SGCD: variants seen among roughly 807,000 people sequenced by gnomAD.
SGCD encodes sarcoglycan delta, also known as delta-sarcoglycan.
Under a neutral mutation model 36.6 loss-of-function variants are expected in SGCD, and 18 were observed. The observed-to-expected ratio is 0.49, with a 90% CI of 0.34 to 0.73. The LOEUF (loss-of-function observed/expected upper bound fraction) is 0.73, where lower values mean the gene tolerates loss of function less well. Among genes scored for constraint, SGCD ranks in the 30% least tolerant of loss-of-function variants. The probability of loss-of-function intolerance (pLI) is 0.01; values close to 1 mark genes in which losing one functional copy is unlikely to be tolerated. For missense variants in SGCD, 387 were observed against 346.7 expected (o/e 1.12, Z -0.92); for synonymous variants, 133 against 130.6 (o/e 1.02, Z -0.12).
At chr5:155,764,999 G>A in the SGCD span, among the ~76,000 whole-genome samples, 1 of 152,076 alleles carries the variant, frequency 6.6e-6, no homozygotes, top group Non-Finnish European at 1.5e-5. Context: ...AGTAGCATGG[G>A]TTAAACATGT....
chr5:156,593,199 T>G lies in SGCD; in HGVS notation c.383-1733T>G, dbSNP rs372794626. On this transcript the variant is annotated intron_variant, in intron 5 of 8. Coordinates refer to ENST00000337851, the MANE Select transcript of SGCD (RefSeq NM_000337.6). ...AAATCATGTTATCACAGAATAAGAA[T>G]GAGTTGGGAAATAATTCATGTCTTC... Among the ~76,000 whole-genome samples the G allele has an allele frequency of 8.5e-4, 129 of 152,284 alleles. 1 individual carries two copies. Among genetic ancestry groups the G allele is most frequent in the African/African-American group, 2.9e-3 (121 of 41,560 alleles).
intron 1 of SGCD, among the ~76,000 whole-genome samples, chr5:155,986,438 C>T (rs1215935561): frequency 6.6e-6 from 1 of 152,018 alleles, no homozygotes; most frequent in African/African-American, 2.4e-5. Flanking sequence ...CAACATGGAA[C>T]ACATGAGGTT....
At chr5:156,218,493 C>A (rs1203879133) in intron 3 of SGCD, among the ~76,000 whole-genome samples, 1 of 151,988 alleles carries the variant, frequency 6.6e-6, no homozygotes, top group Non-Finnish European at 1.5e-5. Flanking sequence ...TGAAATTGAA[C>A]CTTATGGCCA....
chr5:156,137,503 G>A (rs1353657290), intron 3 of SGCD, among the ~76,000 whole-genome samples: 1 of 152,022 alleles, frequency 6.6e-6, no homozygotes, highest in Non-Finnish European at 1.5e-5. Context: ...TAATTTAGTA[G>A]GTCTCGGTTT....
intron 3 of SGCD, among the ~76,000 whole-genome samples, chr5:156,308,559 A>G (rs1484001472): frequency 6.6e-6 from 1 of 152,094 alleles, no homozygotes; most frequent in Non-Finnish European, 1.5e-5. Context: ...TGGCGTCCCA[A>G]AGTGCTAGGA....
chr5:156,303,971 G>C (rs1414702270), intron 3 of SGCD, among the ~76,000 whole-genome samples: 1 of 151,980 alleles, frequency 6.6e-6, no homozygotes, highest in African/African-American at 2.4e-5. Context: ...GCCCTGGCTG[G>C]TGTCTCGCTA....
At chr5:155,862,041 A>G in the SGCD span, among the ~76,000 whole-genome samples, 2 of 152,124 alleles carry the variant, frequency 1.3e-5, no homozygotes, top group African/African-American at 4.8e-5. Flanking sequence ...TGTTCTTCTC[A>G]GTGAACCTTG....
intron 1 of SGCD, among the ~76,000 whole-genome samples, chr5:155,970,839 C>T (rs193053496): frequency 1.1e-3 from 168 of 152,270 alleles, no homozygotes; most frequent in Non-Finnish European, 1.9e-3. Flanking sequence ...GTTTCAGTAG[C>T]AAGTATCAGG....
At chr5:156,041,269 C>A (rs1759626447) in intron 1 of SGCD, among the ~76,000 whole-genome samples, 1 of 152,222 alleles carries the variant, frequency 6.6e-6, no homozygotes, top group Non-Finnish European at 1.5e-5. Flanking sequence ...TATCCACAGT[C>A]TAGCGTGCTG....
intron 1 of SGCD, among the ~76,000 whole-genome samples, chr5:156,049,771 A>C (rs1171383763): frequency 6.8e-6 from 1 of 146,674 alleles, no homozygotes; most frequent in African/African-American, 2.5e-5. Context: ...CAACATGAGC[A>C]TGACTTGGGA....
chr5:156,074,491 G>T (rs1408519674), intron 1 of SGCD, among the ~76,000 whole-genome samples: 2 of 152,126 alleles, frequency 1.3e-5, no homozygotes, highest in African/African-American at 4.8e-5. Context: ...AAATCAGCCT[G>T]GACAGCGTGG....
chr5:156,152,571 C>T (rs1489669834), intron 3 of SGCD, among the ~76,000 whole-genome samples: 1 of 151,640 alleles, frequency 6.6e-6, no homozygotes, highest in Non-Finnish European at 1.5e-5. Flanking sequence ...ATTTTAACAA[C>T]TTTATTGAGA....
intron 1 of SGCD, among the ~76,000 whole-genome samples, chr5:156,046,863 G>T (rs563976349): frequency 6.6e-6 from 1 of 152,268 alleles, no homozygotes; most frequent in East Asian, 1.9e-4. Flanking sequence ...AGCAAGGAAG[G>T]CATGTCTAAA....
At chr5:156,284,048 C>T (rs1237725844) in intron 3 of SGCD, among the ~76,000 whole-genome samples, 1 of 152,038 alleles carries the variant, frequency 6.6e-6, no homozygotes, top group African/African-American at 2.4e-5. Context: ...GTATGAAATA[C>T]CTTGGAGAAC....
chr5:156,733,593 GT>G (rs933040174), intron 7 of SGCD, among the ~76,000 whole-genome samples: 3 of 152,104 alleles, frequency 2.0e-5, no homozygotes, highest in African/African-American at 7.2e-5. Flanking sequence ...AATATTGTCA[GT>G]GGGGTGTTAA....
intron 3 of SGCD, among the ~76,000 whole-genome samples, chr5:156,275,791 T>G (rs1056084503): frequency 6.6e-6 from 1 of 152,202 alleles, no homozygotes; most frequent in African/African-American, 2.4e-5. Context: ...TATGCTATCA[T>G]TGAGGGGCCA....
intron 1 of SGCD, among the ~76,000 whole-genome samples, chr5:155,958,877 T>C (rs1001969622): frequency 4.6e-5 from 7 of 152,064 alleles, no homozygotes; most frequent in Admixed American, 6.6e-5. Flanking sequence ...GCTAAATAAT[T>C]GCTGTGTTGA....
At chr5:155,897,617 TTC>T (rs1756295571) in intron 1 of SGCD, among the ~76,000 whole-genome samples, 1 of 152,098 alleles carries the variant, frequency 6.6e-6, no homozygotes, top group African/African-American at 2.4e-5. Flanking sequence ...TATGAATATT[TTC>T]TTTCTTTATA....
intron 6 of SGCD, among the ~76,000 whole-genome samples, chr5:156,603,340 G>T (rs183431304): frequency 3.5e-4 from 53 of 151,848 alleles, no homozygotes; most frequent in Non-Finnish European, 6.2e-4. Context: ...TATTAATCTA[G>T]CTAAATATTT....
Sources: allele counts gnomAD v4.1 joint callset (sites outside exome capture counted in the v4.1 genomes callset), GRCh38; gene constraint gnomAD v4.1.1; transcripts MANE v1.5; gene names NCBI Gene and HGNC (gene_info 2026-07-23, HGNC 2026-07-21).